The following GABRA3 variants were observed in gnomAD, a reference collection of about 807,000 sequenced individuals.
The protein encoded by GABRA3 is gamma-aminobutyric acid type A receptor subunit alpha3.
Under a neutral mutation model 30.1 loss-of-function variants are expected in GABRA3, and 10 were observed. The observed-to-expected ratio is 0.33, with a 90% confidence interval of 0.20 to 0.56. GABRA3 has a LOEUF of 0.56. Among genes scored for constraint, GABRA3 ranks in the 20% least tolerant of loss-of-function variants. GABRA3 has a pLI of 0.89. For missense variants in GABRA3, 233 were observed against 392.0 expected (o/e 0.59, Z 3.42); for synonymous variants, 151 against 146.8 (o/e 1.03, Z -0.21).
At chrX:152,399,803 C>A in intron 1 of GABRA3, among the ~76,000 whole-genome samples, 1 of 111,500 alleles carries the variant, frequency 9.0e-6, no homozygotes, top group South Asian at 3.8e-4. Context: ...TCAGACATAG[C>A]GAGGTGATTT....
At chrX:152,363,753 A>G (rs769252537) in intron 2 of GABRA3, among the ~76,000 whole-genome samples, 1 of 112,300 alleles carries the variant, frequency 8.9e-6, no homozygotes, top group East Asian at 2.8e-4. Flanking sequence ...AAAAAGAATT[A>G]TTATTAAACT....
chrX:152,200,613 T>C lies in GABRA3; in HGVS notation c.779-2828A>G, dbSNP rs149075672. Among the ~76,000 whole-genome samples the C allele has an allele frequency of 6.3e-5, 7 of 111,309 alleles. No individual in the cohort carries two copies. The East Asian group carries it at 2.0e-3, about 32-fold the overall frequency. On this transcript the variant is annotated intron_variant, in intron 7 of 9. Transcript: ENST00000370314. ...CCACTGAGAAGGCATTGGGGATTTG[T>C]TTTTCATGAGAGTTGGACTTTGATG...
chrX:152,423,059 A>T (rs780555665), intron 1 of GABRA3, among the ~76,000 whole-genome samples: 9 of 112,231 alleles, frequency 8.0e-5, no homozygotes, highest in African/African-American at 2.6e-4. Context: ...GCTTGTAATT[A>T]TATTTTGAAA....
intron 1 of GABRA3, among the ~76,000 whole-genome samples, chrX:152,415,404 A>G (rs900427293): frequency 3.6e-5 from 4 of 111,510 alleles, no homozygotes; most frequent in South Asian, 3.7e-4. Flanking sequence ...TAATATTATC[A>G]AACTGACACA....
chrX:152,410,626 A>G (rs2124529616), intron 1 of GABRA3, among the ~76,000 whole-genome samples: 1 of 111,561 alleles, frequency 9.0e-6, no homozygotes, highest in East Asian at 2.8e-4. Flanking sequence ...ATTATTAAAA[A>G]ATTAAATAAA....
chrX:152,317,780 T>G (rs1603240434), intron 3 of GABRA3, among the ~76,000 whole-genome samples: 1 of 111,405 alleles, frequency 9.0e-6, no homozygotes, highest in East Asian at 2.8e-4. Flanking sequence ...ATGATAATAG[T>G]GACACAACCT....
At chrX:152,310,736 A>T (rs1392912450) in intron 3 of GABRA3, among the ~76,000 whole-genome samples, 1 of 111,669 alleles carries the variant, frequency 9.0e-6, no homozygotes, top group African/African-American at 3.3e-5. Flanking sequence ...GAAAATCGAG[A>T]TTAAAAAAAA....
chrX:152,330,076 C>T (rs1845710919), intron 3 of GABRA3, among the ~76,000 whole-genome samples: 1 of 111,966 alleles, frequency 8.9e-6, no homozygotes, highest in Non-Finnish European at 1.9e-5. Context: ...TACATTAATA[C>T]AACCAACAGA....
chrX:152,275,238 T>TA (rs1569378354), intron 4 of GABRA3, among the ~76,000 whole-genome samples: 54 of 51,288 alleles, frequency 1.1e-3, no homozygotes, highest in African/African-American at 4.9e-3. Flanking sequence ...TTTATATATA[T>TA]TTTATTATAT....
At chrX:152,389,455 C>T (rs1417323233) in intron 1 of GABRA3, 6 of 111,459 alleles carry the variant, frequency 5.4e-5, no homozygotes, top group South Asian at 7.6e-4. Context: ...GGAGATCCCA[C>T]GGCACATTCC....
intron 9 of GABRA3, among the ~76,000 whole-genome samples, chrX:152,177,566 GA>G (rs72056570): frequency 0.073 from 6,977 of 95,437 alleles, 318 homozygotes; most frequent in African/African-American, 0.16. Context: ...CTGTTTTTCT[GA>G]AAAAAAAAAA....
chrX:152,248,783 C>T (rs758812409), intron 5 of GABRA3, among the ~76,000 whole-genome samples: 2 of 111,384 alleles, frequency 1.8e-5, no homozygotes, highest in Non-Finnish European at 3.8e-5. Flanking sequence ...ACAATAATGA[C>T]GATATATTGC....
intron 4 of GABRA3, among the ~76,000 whole-genome samples, chrX:152,272,445 C>T (rs1432860668): frequency 8.9e-6 from 1 of 112,580 alleles, no homozygotes; most frequent in Non-Finnish European, 1.9e-5. Context: ...ATTTATCCAG[C>T]GCCTGTACCC....
chrX:152,348,910 G>A (rs376124613), intron 2 of GABRA3, among the ~76,000 whole-genome samples: 9 of 111,772 alleles, frequency 8.1e-5, no homozygotes, highest in East Asian at 2.8e-4. Flanking sequence ...GACCAGTCAG[G>A]GCAGTGGTTG....
chrX:152,395,450 A>C (rs6526104), intron 1 of GABRA3, among the ~76,000 whole-genome samples: 53,364 of 110,135 alleles, frequency 0.48, 10,194 homozygotes, highest in East Asian at 0.76. Flanking sequence ...TATACACATA[A>C]AATACACAAG....
At chrX:152,295,163 T>C (rs1035388346) in intron 3 of GABRA3, among the ~76,000 whole-genome samples, 4 of 112,530 alleles carry the variant, frequency 3.6e-5, no homozygotes, top group African/African-American at 9.7e-5. Flanking sequence ...TGGGACCCAC[T>C]TGAGGAGGCA....
chrX:152,182,414 C>G (rs1157658935), intron 9 of GABRA3, among the ~76,000 whole-genome samples: 17 of 88,913 alleles, frequency 1.9e-4, no homozygotes, highest in African/African-American at 6.8e-4. Flanking sequence ...TATAGACACA[C>G]TATATATGCA....
At chrX:152,194,494 T>C (rs1937361260) in intron 8 of GABRA3, among the ~76,000 whole-genome samples, 1 of 111,880 alleles carries the variant, frequency 8.9e-6, no homozygotes, top group African/African-American at 3.2e-5. Context: ...ATTATCTTAA[T>C]GTTATCCTTT....
chrX:152,174,046 T>C (rs1358677714), intron 9 of GABRA3, among the ~76,000 whole-genome samples: 2 of 110,631 alleles, frequency 1.8e-5, no homozygotes, highest in Non-Finnish European at 3.8e-5. Context: ...CGGTGTTTGG[T>C]TTTTTGTCCT....
Sources: gnomAD v4.1 joint callset for allele counts (sites outside exome capture counted in the v4.1 genomes callset) on GRCh38, gnomAD v4.1.1 for gene constraint, MANE v1.5 for transcripts, NCBI Gene and HGNC (gene_info 2026-07-23, HGNC 2026-07-21) for gene names.